The following SRPK2 variants were observed in gnomAD, a reference collection of about 807,000 sequenced individuals.
SRPK2 encodes SRSF protein kinase 2, also known as SFRS protein kinase 2.
A neutral mutation model predicts 90.8 loss-of-function variants in SRPK2; 21 were observed. The ratio of observed to expected loss-of-function variants is 0.23; its 90% CI spans 0.16 to 0.33. The LOEUF (loss-of-function observed/expected upper bound fraction) is 0.33, where lower values mean the gene tolerates loss of function less well. SRPK2 is among the 10% of genes least tolerant of loss of function. SRPK2 has a pLI of 1.00. For synonymous variants in SRPK2, 288 were observed against 311.1 expected, an observed-to-expected ratio of 0.93 and a Z score of 0.78; for missense variants, 620 against 869.0, an observed-to-expected ratio of 0.71 and a Z score of 3.60.
chr7:105,153,784 A>G (rs947980861), intron 7 of SRPK2, among the ~76,000 whole-genome samples: 1 of 152,162 alleles, frequency 6.6e-6, no homozygotes, highest in Non-Finnish European at 1.5e-5. Flanking sequence ...CCACGTGGGC[A>G]GCCAGATGGG....
chr7:105,247,531 AACACACACAC>A (rs59040708), intron 2 of SRPK2, among the ~76,000 whole-genome samples: 54 of 145,262 alleles, frequency 3.7e-4, no homozygotes, highest in Middle Eastern at 3.4e-3. Context: ...CACACACATA[AACACACACAC>A]ACACACACAC....
At chr7:105,338,430 G>T (rs1268314028) in intron 2 of SRPK2, among the ~76,000 whole-genome samples, 1 of 152,048 alleles carries the variant, frequency 6.6e-6, no homozygotes, top group African/African-American at 2.4e-5. Context: ...TAATTTTAGT[G>T]GAGTCGGGGT....
chr7:105,348,919 G>A (rs1431999287), intron 2 of SRPK2, among the ~76,000 whole-genome samples: 1 of 151,760 alleles, frequency 6.6e-6, no homozygotes, highest in Non-Finnish European at 1.5e-5. Context: ...GCCAAGGCGG[G>A]CAGATCACCT....
chr7:105,233,153 G>GGAAGGAAGGA (rs1563120524), intron 2 of SRPK2, among the ~76,000 whole-genome samples: 2 of 106,200 alleles, frequency 1.9e-5, no homozygotes, highest in Non-Finnish European at 4.3e-5. Context: ...GGAAGGAAGG[G>GGAAGGAAGGA]GAAAGGGAAG....
At chr7:105,263,141 G>A (rs538549212) in intron 2 of SRPK2, among the ~76,000 whole-genome samples, 5 of 152,212 alleles carry the variant, frequency 3.3e-5, no homozygotes, top group African/African-American at 9.6e-5. Context: ...TGGCCAACAA[G>A]GCAAAACCCC....
chr7:105,240,004 C>A (rs2129623174), intron 2 of SRPK2, among the ~76,000 whole-genome samples: 1 of 152,276 alleles, frequency 6.6e-6, no homozygotes, highest in Non-Finnish European at 1.5e-5. Flanking sequence ...GGATCAAATA[C>A]ACTGGGCACA....
At chr7:105,141,173 G>C (rs1803702726) in intron 11 of SRPK2, among the ~76,000 whole-genome samples, 1 of 152,190 alleles carries the variant, frequency 6.6e-6, no homozygotes, top group South Asian at 2.1e-4. Context: ...ATCATAGCCA[G>C]TGCGTAACAA....
intron 2 of SRPK2, among the ~76,000 whole-genome samples, chr7:105,299,789 G>A (rs1459928713): frequency 2.6e-5 from 4 of 152,130 alleles, no homozygotes; most frequent in Non-Finnish European, 5.9e-5. Flanking sequence ...AGCTACCTGG[G>A]AGGCTGAGGC....
intron 2 of SRPK2, among the ~76,000 whole-genome samples, chr7:105,345,283 G>A (rs1243364637): frequency 6.6e-6 from 1 of 152,122 alleles, no homozygotes; most frequent in Non-Finnish European, 1.5e-5. Context: ...TTAAGTAGCA[G>A]TGTAAATGAC....
chr7:105,348,988 A>G (rs1816813296), intron 2 of SRPK2, among the ~76,000 whole-genome samples: 1 of 151,262 alleles, frequency 6.6e-6, no homozygotes, highest in African/African-American at 2.4e-5. Flanking sequence ...TCTACTAAAA[A>G]TACAAAAATT....
chr7:105,173,301 T>C (rs1791392854), intron 3 of SRPK2, among the ~76,000 whole-genome samples: 1 of 152,192 alleles, frequency 6.6e-6, no homozygotes, highest in Non-Finnish European at 1.5e-5. Flanking sequence ...ACTGAAAGTA[T>C]AACGCACTTA....
chr7:105,342,345 A>G (rs1204075), intron 2 of SRPK2, among the ~76,000 whole-genome samples: 9,376 of 148,312 alleles, frequency 0.063, 994 homozygotes, highest in African/African-American at 0.22. Flanking sequence ...TAATAATAAT[A>G]TTAATAATAA....
chr7:105,194,255 T>C (rs969211134), intron 3 of SRPK2, among the ~76,000 whole-genome samples: 5 of 152,020 alleles, frequency 3.3e-5, no homozygotes, highest in Non-Finnish European at 7.4e-5. Context: ...CTCAACCTGA[T>C]AAAGGTATCT....
intron 2 of SRPK2, among the ~76,000 whole-genome samples, chr7:105,237,780 G>T (rs535692307): frequency 2.0e-5 from 3 of 152,142 alleles, no homozygotes; most frequent in East Asian, 3.9e-4. Flanking sequence ...CATGAAGAAC[G>T]TAAGGAAGCA....
chr7:105,293,856 T>C (rs115488688), intron 2 of SRPK2, among the ~76,000 whole-genome samples: 3 of 152,210 alleles, frequency 2.0e-5, no homozygotes, highest in African/African-American at 7.2e-5. Context: ...TTTTAGTATC[T>C]ACAATGCTAT....
chr7:105,199,873 T>G (rs1327805513), intron 3 of SRPK2, among the ~76,000 whole-genome samples: 1 of 146,454 alleles, frequency 6.8e-6, no homozygotes, highest in African/African-American at 2.6e-5. Context: ...CAGGTCTAGC[T>G]TTCTAAATAT....
At chr7:105,180,448 A>T (rs1792626426) in intron 3 of SRPK2, among the ~76,000 whole-genome samples, 1 of 152,112 alleles carries the variant, frequency 6.6e-6, no homozygotes, top group African/African-American at 2.4e-5. Flanking sequence ...TAAATGTACA[A>T]CCTAAAACTA....
chr7:105,220,746 T>C (rs1797997067), intron 2 of SRPK2, among the ~76,000 whole-genome samples: 1 of 152,154 alleles, frequency 6.6e-6, no homozygotes, highest in Admixed American at 6.5e-5. Flanking sequence ...AGACTCACTT[T>C]AACCATTTTT....
intron 3 of SRPK2, among the ~76,000 whole-genome samples, chr7:105,194,000 G>T (rs1052086570): frequency 6.6e-6 from 1 of 152,106 alleles, no homozygotes; most frequent in Non-Finnish European, 1.5e-5. Context: ...CACATTCTTT[G>T]TCAGGTAAAT....
Sources: gnomAD v4.1 joint callset for allele counts (sites outside exome capture counted in the v4.1 genomes callset) on GRCh38, gnomAD v4.1.1 for gene constraint, MANE v1.5 for transcripts, NCBI Gene and HGNC (gene_info 2026-07-23, HGNC 2026-07-21) for gene names.